The following ZBED6 variants were observed in gnomAD, a reference collection of about 807,000 sequenced individuals.
ZBED6 encodes the protein zinc finger BED-type containing 6, also known as zinc finger BED domain-containing protein 6.
A neutral mutation model predicts 58.4 loss-of-function variants in ZBED6; 40 were observed. The observed-to-expected ratio is 0.68, with a 90% CI of 0.53 to 0.89. The LOEUF is 0.89. Ranked by LOEUF, ZBED6 falls within the 40% of genes least tolerant of loss-of-function variation. The pLI is 0.00. For synonymous variants in ZBED6, 439 were observed against 350.6 expected (o/e 1.25, Z -2.82); for missense variants, 1,057 against 1,003.9 (o/e 1.05, Z -0.71).
intron 1 of ZBED6, among the ~76,000 whole-genome samples, chr1:203,809,366 G>A (rs960814567): frequency 3.3e-5 from 5 of 150,822 alleles, no homozygotes; most frequent in Admixed American, 2.6e-4. Flanking sequence ...TAGTAGAGGC[G>A]GTGTTTCACC....
At chr1:203,797,267 T>C (rs6693481) in exon 1 of ZBED6, 189,233 of 291,072 alleles carry the variant, frequency 0.65, 62,778 homozygotes, top group Middle Eastern at 0.74. Context: ...ATGAGGACAC[T>C]GGACTATTTG....
chr1:203,826,286 A>G (rs889622176), intron 3 of ZBED6, among the ~76,000 whole-genome samples: 1 of 151,934 alleles, frequency 6.6e-6, no homozygotes, highest in African/African-American at 2.4e-5. Context: ...CTCTATAGGT[A>G]GTGTGCCCAC....
chr1:203,851,326 ATGTTTTTT>A (rs1026884444), intron 16 of ZBED6, among the ~76,000 whole-genome samples: 47 of 152,180 alleles, frequency 3.1e-4, no homozygotes, highest in African/African-American at 1.0e-3. Flanking sequence ...TACCTAAAAG[ATGTTTTTT>A]TGTTTTTTTG....
intron 1 of ZBED6, chr1:203,805,665 C>T (rs7532505): frequency 0.14 from 95,640 of 702,590 alleles, 9,002 homozygotes; most frequent in Admixed American, 0.32. Context: ...ACCAGAACTC[C>T]ATCCTTGTTT....
chr1:203,815,051 A>C (rs1675794388), intron 1 of ZBED6: 1 of 151,560 alleles, frequency 6.6e-6, no homozygotes. Context: ...GCTGTTCTCA[A>C]ACTCCTGACC....
chr1:203,800,294 C>G lies in ZBED6; in HGVS notation c.2772C>G (p.His924Gln), dbSNP rs1014907080. The G allele has an allele frequency of 4.3e-6, 4 of 931,600 alleles. No individual in the cohort carries two copies. Among genetic ancestry groups the G allele is most frequent in the East Asian group, 2.6e-5 (1 of 38,256 alleles). The allele number at this position is 931,600 out of a possible 1,614,324, so 57.7% of individuals were successfully genotyped here. A position where few individuals can be genotyped will look rare whatever the true frequency, so the allele number is the denominator to read the frequency against. The change falls in exon 1 of 17, where the codon CAC becomes CAG. Residue 924 changes from histidine (H) to glutamine (Q), a missense_variant. Physicochemically the swap from His to Gln is conservative, Grantham distance 24 (BLOSUM62 0). Transcript: ENST00000550078. The stretch of plus-strand genomic sequence containing the variant: ...AATGTATCTTTACTAAAAATAGCCA[C>G]TTTCATCCAAAACAGATCATGAGCC...
chr1:203,852,009 T>G, intron 16 of ZBED6, 132 bp from the exon 17 acceptor site: 2 of 319,000 alleles, frequency 6.3e-6, no homozygotes, highest in Non-Finnish European at 1.2e-5. Context: ...TGATCCCAAA[T>G]CAGTAAAAGA....
chr1:203,838,064 G>A (rs1684928225), exon 10 of ZBED6: 1 of 1,613,860 alleles, frequency 6.2e-7, no homozygotes, highest in Admixed American at 1.7e-5. Context: ...ACCAAAGAAA[G>A]GTACCTGTGT....
chr1:203,799,268 A>T, exon 1 of ZBED6: 1 of 748,436 alleles, frequency 1.3e-6, no homozygotes, highest in South Asian at 1.5e-5. Flanking sequence ...CCCATGTGCC[A>T]TGCTTCCTGC....
exon 17 of ZBED6, chr1:203,852,339 G>T (rs746322242): frequency 6.2e-7 from 1 of 1,613,548 alleles, no homozygotes; most frequent in Non-Finnish European, 8.5e-7. Flanking sequence ...AGATTGACCT[G>T]GATCCTGGGA....
At chr1:203,815,138 T>A (rs1675824965) in intron 1 of ZBED6, among the ~76,000 whole-genome samples, 1 of 151,872 alleles carries the variant, frequency 6.6e-6, no homozygotes, top group Non-Finnish European at 1.5e-5. Context: ...CCATATATCA[T>A]AATTTTTAAA....
exon 1 of ZBED6, chr1:203,802,388 G>A (rs1049800312): frequency 6.6e-6 from 1 of 152,350 alleles, no homozygotes; most frequent in Non-Finnish European, 1.5e-5. Flanking sequence ...ATTTTAAAAG[G>A]GGAAACTTAT....
rs757494235 is a variant in ZBED6 at position 203,799,992 on chromosome 1, G to T, written c.2470G>T (p.Val824Leu). The T allele has an allele frequency of 1.2e-5, 19 of 1,536,150 alleles. No individual in the cohort carries two copies. In the South Asian group the frequency reaches 2.0e-4, roughly 16 times the overall value. Residue 824 changes from valine to leucine, a missense_variant, in exon 1 of 17, where the codon GTG becomes TTG. Coordinates refer to ENST00000550078, the Ensembl canonical transcript of ZBED6. Reference sequence around the variant, plus strand: ...AGAAGCTTCTTGTCCCTCAGTTACAGTGGGAGCTGATTCATTTACCTCATC... The same window carrying T: ...AGAAGCTTCTTGTCCCTCAGTTACATTGGGAGCTGATTCATTTACCTCATC...
At chr1:203,812,770 TG>T (rs1020611928) in intron 1 of ZBED6, among the ~76,000 whole-genome samples, 92 of 151,902 alleles carry the variant, frequency 6.1e-4, no homozygotes, top group African/African-American at 2.1e-3. Flanking sequence ...TTAGTAGAGA[TG>T]GGGTCTCACC....
At chr1:203,819,530 T>G (rs1369557813) in intron 3 of ZBED6, among the ~76,000 whole-genome samples, 2 of 7,448 alleles carry the variant, frequency 2.7e-4, no homozygotes, top group Non-Finnish European at 6.1e-4. Flanking sequence ...CTGACTCCAA[T>G]TTTTTTTTTT....
intron 1 of ZBED6, among the ~76,000 whole-genome samples, chr1:203,811,000 G>T (rs61827263): frequency 0.13 from 19,072 of 151,758 alleles, 1,582 homozygotes; most frequent in East Asian, 0.29. Context: ...AATTAGCAGG[G>T]TATGGTGGTA....
At chr1:203,817,599 C>T (rs899622528) in intron 2 of ZBED6, among the ~76,000 whole-genome samples, 1 of 151,978 alleles carries the variant, frequency 6.6e-6, no homozygotes, top group Non-Finnish European at 1.5e-5. Flanking sequence ...TATGCTTTTG[C>T]AGTTTTTTGG....
intron 1 of ZBED6, chr1:203,806,139 C>G (rs1672259890): frequency 2.0e-6 from 1 of 503,832 alleles, no homozygotes; most frequent in South Asian, 1.5e-5. Context: ...CCTTATACTT[C>G]ACTAGCTCAG....
chr1:203,805,524 G>A, intron 1 of ZBED6: 2 of 505,768 alleles, frequency 4.0e-6, no homozygotes, highest in Non-Finnish European at 7.9e-6. Context: ...TTCCTTCAAA[G>A]AAAGGACAGA....
Sources: allele counts gnomAD v4.1 joint callset (sites outside exome capture counted in the v4.1 genomes callset), GRCh38; gene constraint gnomAD v4.1.1; transcripts MANE v1.5; gene names NCBI Gene and HGNC (gene_info 2026-07-23, HGNC 2026-07-21).